Variants in NRG1 observed in about 807,000 individuals in gnomAD.
The protein encoded by NRG1 is neuregulin 1.
A neutral mutation model predicts 63.8 loss-of-function variants in NRG1; 18 were observed. The ratio of observed to expected loss-of-function variants is 0.28; its 90% CI spans 0.19 to 0.42. NRG1 has a LOEUF of 0.42. Among genes scored for constraint, NRG1 ranks in the 10% least tolerant of loss-of-function variants. The pLI is 1.00. For missense variants in NRG1, 762 were observed against 814.7 expected (o/e 0.94, Z 0.79); for synonymous variants, 302 against 301.3 (o/e 1.00, Z -0.02).
At chr8:31,780,460 A>G (rs1162899271) in intron 1 of NRG1, among the ~76,000 whole-genome samples, 1 of 152,178 alleles carries the variant, frequency 6.6e-6, no homozygotes, top group Admixed American at 6.6e-5. Flanking sequence ...GAACAGATGG[A>G]TTGAATGATT....
chr8:32,543,012 A>G (rs976992085), intron 1 of NRG1, among the ~76,000 whole-genome samples: 1 of 152,190 alleles, frequency 6.6e-6, no homozygotes, highest in East Asian at 1.9e-4. Flanking sequence ...TGATTGATAG[A>G]AAATGGTAAT....
chr8:31,814,252 C>A (rs1823216369), intron 1 of NRG1, among the ~76,000 whole-genome samples: 1 of 152,204 alleles, frequency 6.6e-6, no homozygotes, highest in East Asian at 1.9e-4. Flanking sequence ...TACTTGTCAT[C>A]TCTAGCTACC....
At chr8:31,797,206 T>C (rs569691084) in intron 1 of NRG1, among the ~76,000 whole-genome samples, 2 of 152,232 alleles carry the variant, frequency 1.3e-5, no homozygotes, top group Admixed American at 1.3e-4. Context: ...ACCATTTTTA[T>C]TGATATCTCA....
At chr8:31,736,947 G>T (rs571890002) in intron 1 of NRG1, among the ~76,000 whole-genome samples, 1 of 152,222 alleles carries the variant, frequency 6.6e-6, no homozygotes, top group East Asian at 1.9e-4. Context: ...TAAATAAAAT[G>T]TAAAATCTTT....
At chr8:32,022,581 G>A (rs901315868) in intron 1 of NRG1, among the ~76,000 whole-genome samples, 2 of 152,060 alleles carry the variant, frequency 1.3e-5, no homozygotes, top group African/African-American at 4.8e-5. Flanking sequence ...TAACAGCAAG[G>A]GAGAGGGAAC....
At chr8:32,426,413 T>G (rs140185009) in intron 1 of NRG1, among the ~76,000 whole-genome samples, 1 of 152,322 alleles carries the variant, frequency 6.6e-6, no homozygotes, top group African/African-American at 2.4e-5. Flanking sequence ...TGTTAGAAAC[T>G]TTTCTGACGC....
At chr8:31,959,532 G>A (rs1163967781) in intron 1 of NRG1, among the ~76,000 whole-genome samples, 3 of 152,028 alleles carry the variant, frequency 2.0e-5, no homozygotes, top group Non-Finnish European at 2.9e-5. Flanking sequence ...ACAGGAGAAC[G>A]TAAGACCAGC....
At chr8:32,715,922 G>A (rs978250844) in intron 5 of NRG1, among the ~76,000 whole-genome samples, 17 of 152,176 alleles carry the variant, frequency 1.1e-4, no homozygotes, top group Admixed American at 8.5e-4. Context: ...GATTACAGGC[G>A]TGAGCCATCG....
chr8:32,042,262 G>C (rs1280920762), intron 1 of NRG1, among the ~76,000 whole-genome samples: 3 of 152,010 alleles, frequency 2.0e-5, no homozygotes, highest in African/African-American at 4.8e-5. Context: ...TTGGCCAACA[G>C]TGAGACCAGG....
At chr8:32,453,543 A>C (rs1821237867) in intron 1 of NRG1, among the ~76,000 whole-genome samples, 1 of 152,210 alleles carries the variant, frequency 6.6e-6, no homozygotes, top group Non-Finnish European at 1.5e-5. Context: ...TTTTCTCCAG[A>C]ATGTTTATCA....
At chr8:32,477,301 C>A (rs1824650704) in intron 1 of NRG1, among the ~76,000 whole-genome samples, 1 of 152,056 alleles carries the variant, frequency 6.6e-6, no homozygotes, top group Non-Finnish European at 1.5e-5. Flanking sequence ...TCATCGTATT[C>A]GCCTCTGTAA....
chr8:32,137,320 T>C (rs1308472823), intron 1 of NRG1, among the ~76,000 whole-genome samples: 1 of 152,114 alleles, frequency 6.6e-6, no homozygotes, highest in African/African-American at 2.4e-5. Flanking sequence ...TGCATGCCTG[T>C]AGTCCTAGCT....
intron 1 of NRG1, among the ~76,000 whole-genome samples, chr8:32,092,341 C>T (rs1246920966): frequency 1.3e-5 from 2 of 151,014 alleles, no homozygotes; most frequent in Non-Finnish European, 2.9e-5. Context: ...CTTGTAGTAA[C>T]AGCTGCTCAA....
chr8:32,155,712 G>A (rs1401721695), intron 1 of NRG1, among the ~76,000 whole-genome samples: 1 of 152,148 alleles, frequency 6.6e-6, no homozygotes, highest in Non-Finnish European at 1.5e-5. Flanking sequence ...AGCACTGTAT[G>A]TCACCATATC....
intron 1 of NRG1, among the ~76,000 whole-genome samples, chr8:32,174,476 C>G (rs1395066525): frequency 6.6e-6 from 1 of 152,062 alleles, no homozygotes; most frequent in Non-Finnish European, 1.5e-5. Context: ...CAAGAAATAA[C>G]TAAGATCAGA....
intron 4 of NRG1, 113 bp downstream of exon 4, chr8:32,614,677 GT>G (rs1356839258): frequency 5.4e-6 from 5 of 917,584 alleles, no homozygotes; most frequent in Admixed American, 2.1e-5. Context: ...AGCTGCTCTT[GT>G]TTTCTGCTTC....
chr8:32,384,343 T>C (rs1258174454), intron 1 of NRG1, among the ~76,000 whole-genome samples: 1 of 152,252 alleles, frequency 6.6e-6, no homozygotes, highest in East Asian at 1.9e-4. Flanking sequence ...AATGCATTGA[T>C]AATGACAGTG....
intron 1 of NRG1, among the ~76,000 whole-genome samples, chr8:32,380,244 C>A (rs1810174662): frequency 1.3e-5 from 2 of 152,102 alleles, no homozygotes; most frequent in Non-Finnish European, 2.9e-5. Flanking sequence ...ACCATATATC[C>A]TCGGTCTTCC....
intron 1 of NRG1, among the ~76,000 whole-genome samples, chr8:32,533,220 CCAA>C (rs10596618): frequency 0.031 from 4,649 of 151,954 alleles, 99 homozygotes; most frequent in Non-Finnish European, 0.039. Flanking sequence ...GACGTCATTA[CCAA>C]CAACAACATC....
Sources: allele counts gnomAD v4.1 joint callset (sites outside exome capture counted in the v4.1 genomes callset), GRCh38; gene constraint gnomAD v4.1.1; transcripts MANE v1.5; gene names NCBI Gene and HGNC (gene_info 2026-07-23, HGNC 2026-07-21).